The following ADAMTS3 variants were observed in gnomAD, a reference collection of about 807,000 sequenced individuals.
The protein encoded by ADAMTS3 is A disintegrin and metalloproteinase with thrombospondin motifs 3.
A neutral mutation model predicts 129.0 loss-of-function variants in ADAMTS3; 73 were observed. The observed-to-expected ratio is 0.57, with a 90% CI of 0.47 to 0.69. The LOEUF is 0.69. ADAMTS3 is among the 30% of genes least tolerant of loss of function. ADAMTS3 has a pLI of 0.00. For synonymous variants in ADAMTS3, 477 were observed against 510.8 expected, an observed-to-expected ratio of 0.93 and a Z score of 0.89; for missense variants, 1,457 against 1,514.5, an observed-to-expected ratio of 0.96 and a Z score of 0.63.
At chr4:72,362,276 A>G (rs1578615086) in intron 4 of ADAMTS3, among the ~76,000 whole-genome samples, 1 of 152,152 alleles carries the variant, frequency 6.6e-6, no homozygotes, top group South Asian at 2.1e-4. Context: ...AAGCAATGAG[A>G]AGTCAACTGG....
At chr4:72,477,176 C>A (rs1017037981) in intron 3 of ADAMTS3, among the ~76,000 whole-genome samples, 2 of 152,160 alleles carry the variant, frequency 1.3e-5, no homozygotes, top group Non-Finnish European at 2.9e-5. Context: ...GAACTCAGCT[C>A]TGTACCAAGC....
chr4:72,404,823 AAAACAC>A (rs1223540227), intron 4 of ADAMTS3, among the ~76,000 whole-genome samples: 2 of 41,968 alleles, frequency 4.8e-5, no homozygotes, highest in African/African-American at 1.3e-4. Flanking sequence ...ACAAGCAAAC[AAAACAC>A]ACACACACAC....
At chr4:72,397,716 T>A (rs1437160452) in intron 4 of ADAMTS3, among the ~76,000 whole-genome samples, 2 of 152,118 alleles carry the variant, frequency 1.3e-5, no homozygotes, top group Non-Finnish European at 2.9e-5. Context: ...ATTAGCAGCA[T>A]CTTGAGACAC....
At chr4:72,535,237 T>C (rs897018681) in intron 3 of ADAMTS3, among the ~76,000 whole-genome samples, 2 of 152,198 alleles carry the variant, frequency 1.3e-5, no homozygotes, top group Admixed American at 6.5e-5. Context: ...AAAGGAAGTA[T>C]TACCCCAAGA....
At chr4:72,404,207 G>A (rs191382124) in intron 4 of ADAMTS3, among the ~76,000 whole-genome samples, 84 of 152,072 alleles carry the variant, frequency 5.5e-4, no homozygotes, top group African/African-American at 1.9e-3. Flanking sequence ...ACCCTTGGTA[G>A]CCAAAATAAT....
At chr4:72,354,523 C>T (rs1720526017) in intron 4 of ADAMTS3, among the ~76,000 whole-genome samples, 1 of 151,968 alleles carries the variant, frequency 6.6e-6, no homozygotes, top group African/African-American at 2.4e-5. Flanking sequence ...TTCTCGCCTG[C>T]TGGCTGAGCA....
intron 4 of ADAMTS3, among the ~76,000 whole-genome samples, chr4:72,351,514 T>C (rs2109844813): frequency 6.7e-6 from 1 of 148,756 alleles, no homozygotes; most frequent in African/African-American, 2.5e-5. Flanking sequence ...GTATCATATG[T>C]AAGAAAGTGC....
rs150495048 is a variant in ADAMTS3 at position 72,491,608 on chromosome 4, A to G, written c.504+56870T>C. Among the ~76,000 whole-genome samples, 217 of 151,888 alleles carry G rather than the reference A, an allele frequency of 1.4e-3. 1 individual carries two copies. The highest frequency in any genetic ancestry group is 3.4e-3 in the Middle Eastern group (1 of 294). On this transcript the variant is annotated intron_variant, in intron 3 of 21. Coordinates refer to ENST00000286657, the MANE Select transcript of ADAMTS3 (RefSeq NM_014243.3). ...TGTGTATGTAGACCCATCCTTGCAT[A>G]ATAGAAAACTTCCACTTTGTCATGG... is the stretch of plus-strand genomic sequence containing the variant.
chr4:72,323,327 T>G, intron 5 of ADAMTS3: 1 of 501,392 alleles, frequency 2.0e-6, no homozygotes, highest in Non-Finnish European at 3.6e-6. Context: ...GTACAGGACA[T>G]GCTCAAAAGG....
At chr4:72,337,867 A>G (rs1240225304) in intron 5 of ADAMTS3, among the ~76,000 whole-genome samples, 6 of 152,114 alleles carry the variant, frequency 3.9e-5, no homozygotes, top group African/African-American at 1.4e-4. Flanking sequence ...ACAAGACCAT[A>G]TCAAAATCTC....
At chr4:72,319,516 A>G (rs1323850522) in intron 8 of ADAMTS3, 41 bp from the exon 9 acceptor site, 11 of 1,562,498 alleles carry the variant, frequency 7.0e-6, no homozygotes, top group Non-Finnish European at 9.5e-6. Context: ...ATCAGGGGCT[A>G]CTGCCTTCAC....
At chr4:72,400,930 CAT>C (rs778558804) in intron 4 of ADAMTS3, among the ~76,000 whole-genome samples, 2 of 147,312 alleles carry the variant, frequency 1.4e-5, no homozygotes, top group Non-Finnish European at 3.0e-5. Flanking sequence ...TATATATACA[CAT>C]ATATATATGT....
chr4:72,395,302 G>A (rs898518318), intron 4 of ADAMTS3, among the ~76,000 whole-genome samples: 7 of 152,020 alleles, frequency 4.6e-5, no homozygotes, highest in Non-Finnish European at 1.5e-5. Flanking sequence ...AAAAATGATA[G>A]ACTCCTTTGA....
In ADAMTS3 at chr4:72,293,904, G is replaced by T. The variant is rs1041883908; in HGVS notation, c.2723+1750C>A. 3.3e-5 allele frequency among the ~76,000 whole-genome samples: 5 copies of T among 151,972 alleles called. No homozygotes were observed. The South Asian group carries it at 1.0e-3, about 31-fold the overall frequency. On this transcript the variant is annotated intron_variant, in intron 19 of 21. Coordinates refer to ENST00000286657, the MANE Select transcript of ADAMTS3 (RefSeq NM_014243.3). ...AATAAAAATCAAATGCCTTGAAAAA[G>T]AAATACTTGAATAGATCTCTTGAAT... is the stretch of plus-strand genomic sequence containing the variant.
rs1719470091 is a variant in ADAMTS3, at chr4:72,318,832, A to C, written c.1353-128T>G. On this transcript the variant is annotated intron_variant, in intron 9 of 21. Coordinates refer to ENST00000286657, the MANE Select transcript of ADAMTS3 (RefSeq NM_014243.3). Reference sequence around the variant, plus strand: ...CCCAGATCATACAGCAAATTTGCAAAAACATGTATTTAAGGTTTTGGTTTT... The same window carrying C: ...CCCAGATCATACAGCAAATTTGCAACAACATGTATTTAAGGTTTTGGTTTT... 8 of 949,986 alleles carry C rather than the reference A, an allele frequency of 8.4e-6. No individual in the cohort carries two copies. The South Asian group carries it at 1.3e-4, about 16-fold the overall frequency. 58.8% of individuals were successfully genotyped at this position (949,986 alleles called of 1,614,324 possible).
chr4:72,290,360 C>T (rs1429890177), intron 20 of ADAMTS3, among the ~76,000 whole-genome samples: 3 of 152,112 alleles, frequency 2.0e-5, no homozygotes, highest in Non-Finnish European at 4.4e-5. Context: ...ATTTGGACTA[C>T]GGAGATGAGG....
rs754902452 is a variant in ADAMTS3 at position 72,282,132 on chromosome 4, C to T, written c.*1004G>A. ...AGCTACCAACATACAAATAAGTTATCCCAAAACTTTTTCCTTTGCGATTAT... is the reference window on the plus strand; with the variant it reads ...AGCTACCAACATACAAATAAGTTATTCCAAAACTTTTTCCTTTGCGATTAT... On this transcript the variant is annotated 3_prime_UTR_variant, in exon 22 of 22. Coordinates refer to ENST00000286657, the MANE Select transcript of ADAMTS3 (RefSeq NM_014243.3). 3 of 152,158 alleles carry T rather than the reference C, an allele frequency of 2.0e-5. No homozygotes were observed. The highest frequency in any genetic ancestry group is 4.4e-5 in the Non-Finnish European group (3 of 68,032). 9.4% of individuals were successfully genotyped at this position (152,158 alleles called of 1,614,324 possible).
At chr4:72,445,522 G>C (rs533479807) in intron 3 of ADAMTS3, among the ~76,000 whole-genome samples, 3 of 151,678 alleles carry the variant, frequency 2.0e-5, no homozygotes, top group South Asian at 4.2e-4. Flanking sequence ...AAAATAGAAG[G>C]AACTTTTAAT....
chr4:72,434,498 C>T (rs995774548), intron 3 of ADAMTS3, among the ~76,000 whole-genome samples: 6 of 151,748 alleles, frequency 4.0e-5, no homozygotes, highest in East Asian at 3.9e-4. Context: ...CTTACTAAAT[C>T]TAAACCTCTG....
Sources: gnomAD v4.1 joint callset for allele counts (sites outside exome capture counted in the v4.1 genomes callset) on GRCh38, gnomAD v4.1.1 for gene constraint, MANE v1.5 for transcripts, NCBI Gene and HGNC (gene_info 2026-07-23, HGNC 2026-07-21) for gene names.